CSMD1: variants seen among roughly 807,000 people sequenced by gnomAD.
CSMD1 encodes CUB and sushi domain-containing protein 1.
In CSMD1, 213 loss-of-function variants were observed where a neutral mutation model predicts 417.5. That is an observed-to-expected ratio of 0.51 (90% CI 0.46 to 0.57). CSMD1 has a LOEUF of 0.57. Ranked by LOEUF, CSMD1 falls within the 20% of genes least tolerant of loss-of-function variation. CSMD1 has a pLI of 0.00. For missense variants in CSMD1, 6,923 were observed against 4,529.7 expected (o/e 1.53, Z -15.17); for synonymous variants, 2,862 against 1,736.8 (o/e 1.65, Z -16.11).
chr8:4,178,349 A>G (rs1380301900), intron 3 of CSMD1, among the ~76,000 whole-genome samples: 1 of 151,284 alleles, frequency 6.6e-6, no homozygotes. Context: ...ATCTCAATAG[A>G]TGCAGAAAAG....
intron 3 of CSMD1, among the ~76,000 whole-genome samples, chr8:4,189,405 C>T (rs1161180285): frequency 1.3e-5 from 2 of 152,080 alleles, no homozygotes; most frequent in Middle Eastern, 3.2e-3. Context: ...TAAAAGTTTG[C>T]CTTTGTTATT....
intron 3 of CSMD1, among the ~76,000 whole-genome samples, chr8:4,170,103 C>T (rs1797687441): frequency 6.6e-6 from 1 of 151,770 alleles, no homozygotes; most frequent in Non-Finnish European, 1.5e-5. Context: ...ATATGTATCC[C>T]TAACCTGTTT....
chr8:3,775,074 T>C (rs1798827310), intron 5 of CSMD1, among the ~76,000 whole-genome samples: 1 of 152,174 alleles, frequency 6.6e-6, no homozygotes, highest in Admixed American at 6.5e-5. Flanking sequence ...ACTTACGAAT[T>C]GTTTGTTTCT....
At chr8:4,262,458 C>G (rs1207114735) in intron 3 of CSMD1, among the ~76,000 whole-genome samples, 2 of 152,176 alleles carry the variant, frequency 1.3e-5, no homozygotes, top group Non-Finnish European at 2.9e-5. Context: ...GCAGTGCAGG[C>G]AAAGACAGAT....
intron 7 of CSMD1, among the ~76,000 whole-genome samples, chr8:3,628,061 C>A (rs79801224): frequency 1.3e-5 from 2 of 152,004 alleles, no homozygotes; most frequent in South Asian, 2.1e-4. Flanking sequence ...AAAAACAGAA[C>A]GTGGTGTAAT....
At chr8:3,908,909 G>A (rs1335463762) in intron 5 of CSMD1, among the ~76,000 whole-genome samples, 2 of 152,192 alleles carry the variant, frequency 1.3e-5, no homozygotes, top group East Asian at 3.9e-4. Context: ...GATCACTCAT[G>A]CATCTATCTT....
At chr8:4,798,742 G>T (rs1457180) in intron 1 of CSMD1, among the ~76,000 whole-genome samples, 117,541 of 152,150 alleles carry the variant, frequency 0.77, 47,873 homozygotes, top group Non-Finnish European at 0.9. Context: ...TTTATTAATA[G>T]GTATGTAACA....
chr8:3,835,829 T>G (rs1165811080), intron 5 of CSMD1, among the ~76,000 whole-genome samples: 3 of 152,156 alleles, frequency 2.0e-5, no homozygotes, highest in African/African-American at 7.2e-5. Flanking sequence ...CTAGGAGTTC[T>G]TCTGTTCCTT....
rs141564723 is a variant in CSMD1 at position 2,936,955 on chromosome 8, T to C, written c.*1630A>G. 333 of 152,284 alleles carry C rather than the reference T, an allele frequency of 2.2e-3. 2 individuals are homozygous for C. The highest frequency in any genetic ancestry group is 7.7e-3 in the African/African-American group (322 of 41,572). 9.4% of individuals were successfully genotyped at this position (152,284 alleles called of 1,614,324 possible). A position where few individuals can be genotyped will look rare whatever the true frequency, so the allele number is the denominator to read the frequency against. On this transcript the variant is annotated 3_prime_UTR_variant, in exon 70 of 70. Coordinates refer to ENST00000635120, the MANE Select transcript of CSMD1 (RefSeq NM_033225.6). ...TTCTATTACCAACGCCAATCTAAAATGTGAAACAGAGAAAATCTGCCACAA... is the reference window on the plus strand; with the variant it reads ...TTCTATTACCAACGCCAATCTAAAACGTGAAACAGAGAAAATCTGCCACAA...
At chr8:4,075,766 C>T (rs2552135) in intron 3 of CSMD1, among the ~76,000 whole-genome samples, 2 of 151,942 alleles carry the variant, frequency 1.3e-5, no homozygotes, top group African/African-American at 4.8e-5. Flanking sequence ...AATTTTTCCA[C>T]CCTAGCCAGG....
chr8:4,343,736 T>C (rs1237342399), intron 3 of CSMD1, among the ~76,000 whole-genome samples: 3 of 152,026 alleles, frequency 2.0e-5, no homozygotes, highest in Non-Finnish European at 4.4e-5. Flanking sequence ...CATAAGGAAA[T>C]ATCATCTTGA....
chr8:4,597,891 A>C (rs1800371070), intron 2 of CSMD1, among the ~76,000 whole-genome samples: 1 of 152,170 alleles, frequency 6.6e-6, no homozygotes, highest in African/African-American at 2.4e-5. Flanking sequence ...ATTAGGTAAG[A>C]TTTGGAGAAT....
chr8:3,876,073 C>T (rs981651492), intron 5 of CSMD1, among the ~76,000 whole-genome samples: 2 of 151,904 alleles, frequency 1.3e-5, no homozygotes, highest in Non-Finnish European at 2.9e-5. Context: ...TTGAAATATA[C>T]TTGTTGTCTT....
chr8:3,013,747 A>AG (rs1269631281), intron 52 of CSMD1, among the ~76,000 whole-genome samples: 2 of 144,240 alleles, frequency 1.4e-5, no homozygotes, highest in Non-Finnish European at 3.0e-5. Context: ...ACTCCATCTC[A>AG]GAAAAAAAAA....
chr8:4,604,410 T>TGTGTGTGTGTGCGCGC (rs59349269), intron 2 of CSMD1, among the ~76,000 whole-genome samples: 10 of 146,226 alleles, frequency 6.8e-5, no homozygotes, highest in East Asian at 2.0e-4. Flanking sequence ...TGTGTGTGTG[T>TGTGTGTGTGTGCGCGC]GCGCGTGCGT....
At chr8:4,613,342 G>C (rs1273297695) in intron 2 of CSMD1, among the ~76,000 whole-genome samples, 7 of 152,138 alleles carry the variant, frequency 4.6e-5, no homozygotes, top group South Asian at 2.1e-4. Context: ...ATGTCTACAG[G>C]GTTGTCATTC....
chr8:4,964,925 C>G (rs935344570), intron 1 of CSMD1, among the ~76,000 whole-genome samples: 15 of 152,268 alleles, frequency 9.9e-5, no homozygotes, highest in African/African-American at 3.6e-4. Context: ...CACATCAGCC[C>G]TTGGTGAATT....
rs117343776 is a variant in CSMD1, at chr8:3,493,661, A to G, written c.1410T>C (p.Asp470=). 0.013 allele frequency: 21,024 copies of G among 1,612,262 alleles called. 187 individuals are homozygous for G. Among genetic ancestry groups the G allele is most frequent in the South Asian group, 0.025 (2,303 of 90,368 alleles). ...ATCTGGTGTCTCCCACCTTCCCAGCATCACCAACCGTCAGGGTGTCATAGC... is the reference window on the plus strand; with the variant it reads ...ATCTGGTGTCTCCCACCTTCCCAGCGTCACCAACCGTCAGGGTGTCATAGC... ...ERGYDTLTVG[D]AGKVGDTRSV... is the part of the protein sequence containing the mutation. The change falls in exon 11 of 70, where the codon GAT becomes GAC. Residue 470 remains aspartate (D), a synonymous_variant. Transcript: ENST00000635120.
At chr8:4,791,463 G>C (rs909315696) in intron 1 of CSMD1, among the ~76,000 whole-genome samples, 12 of 152,168 alleles carry the variant, frequency 7.9e-5, no homozygotes. Flanking sequence ...ATCTTGAAAA[G>C]TGAACCTAAT....
Sources: gnomAD v4.1 joint callset for allele counts (sites outside exome capture counted in the v4.1 genomes callset) on GRCh38, gnomAD v4.1.1 for gene constraint, MANE v1.5 for transcripts, NCBI Gene and HGNC (gene_info 2026-07-23, HGNC 2026-07-21) for gene names.